Variants in CCDC38 observed in about 807,000 individuals in gnomAD.
CCDC38 encodes the protein coiled-coil domain-containing protein 38.
In CCDC38, 69 loss-of-function variants were observed where a neutral mutation model predicts 72.8. The observed-to-expected ratio is 0.95, with a 90% CI of 0.78 to 1.16. CCDC38 has a LOEUF of 1.16. Among genes scored for constraint, CCDC38 ranks in the 50% most tolerant of loss-of-function variants. The pLI is 0.00. For missense variants in CCDC38, 626 were observed against 638.9 expected, an observed-to-expected ratio of 0.98 and a Z score of 0.22; for synonymous variants, 201 against 213.2, an observed-to-expected ratio of 0.94 and a Z score of 0.50.
chr12:95,908,045 C>T (rs2080031827), intron 4 of CCDC38, among the ~76,000 whole-genome samples: 1 of 152,158 alleles, frequency 6.6e-6, no homozygotes. Flanking sequence ...GGGTGGCGGC[C>T]TTCCCAGATG....
chr12:95,878,227 A>G lies in CCDC38; in HGVS notation c.1262T>C (p.Phe421Ser), dbSNP rs2079656305. 6.2e-7 allele frequency: 1 copy of G among 1,613,408 alleles called. No individual in the cohort carries two copies. The highest frequency in any genetic ancestry group is 1.7e-5 in the Admixed American group (1 of 59,978). Residue 421 changes from phenylalanine (F) to serine (S), a missense_variant, in exon 13 of 16, where the codon TTT becomes TCT. Coordinates refer to ENST00000344280, the MANE Select transcript of CCDC38 (RefSeq NM_182496.3). ...LKSKLFSFGE[F>S]NSDAQEILID... ...GTGATTTACCTGAGCATCTGAATTA[A>G]ATTCTCCAAAGCTAAAGAGCTTGGA...
intron 9 of CCDC38, among the ~76,000 whole-genome samples, chr12:95,890,042 G>A (rs2079806882): frequency 6.6e-6 from 1 of 152,222 alleles, no homozygotes; most frequent in East Asian, 1.9e-4. Flanking sequence ...CTCCTCAGCA[G>A]CTGGGACTAT....
At chr12:95,903,233 G>C (rs532655986) in intron 5 of CCDC38, among the ~76,000 whole-genome samples, 2 of 152,132 alleles carry the variant, frequency 1.3e-5, no homozygotes, top group South Asian at 4.1e-4. Flanking sequence ...ATTGATTTCT[G>C]TAAATTGACC....
intron 14 of CCDC38, 35 bp from the exon 15 acceptor site, chr12:95,869,608 T>A (rs1565939509): frequency 6.8e-7 from 1 of 1,472,526 alleles, no homozygotes; most frequent in Non-Finnish European, 9.5e-7. Flanking sequence ...CTTGTAACTA[T>A]AAATCACATT....
At chr12:95,893,014 C>T (rs1448868929) in intron 8 of CCDC38, among the ~76,000 whole-genome samples, 1 of 152,146 alleles carries the variant, frequency 6.6e-6, no homozygotes. Flanking sequence ...CATTACCTTC[C>T]GAATTCAAAA....
intron 4 of CCDC38, among the ~76,000 whole-genome samples, chr12:95,912,489 T>TG (rs1267761037): frequency 2.0e-4 from 30 of 152,304 alleles, no homozygotes; most frequent in Admixed American, 1.9e-3. Context: ...AGGAAGAGGT[T>TG]GGTTAACAGA....
chr12:95,885,486 T>C (rs575116110), intron 10 of CCDC38: 42 of 179,916 alleles, frequency 2.3e-4, no homozygotes, highest in African/African-American at 9.7e-4. Flanking sequence ...ATGAGTTTTC[T>C]TATCCTGTCA....
At chr12:95,885,970 T>C (rs114123646) in intron 10 of CCDC38, among the ~76,000 whole-genome samples, 1,775 of 152,306 alleles carry the variant, frequency 0.012, 32 homozygotes, top group African/African-American at 0.041. Context: ...CTGTGATATT[T>C]ACACCTTTTA....
chr12:95,876,522 C>G (rs2079637306), intron 13 of CCDC38, among the ~76,000 whole-genome samples: 1 of 152,064 alleles, frequency 6.6e-6, no homozygotes, highest in Admixed American at 6.5e-5. Flanking sequence ...GAATGACACG[C>G]TTAAAATAGC....
At chr12:95,900,616 T>C (rs1233988816) in intron 5 of CCDC38, among the ~76,000 whole-genome samples, 1 of 152,190 alleles carries the variant, frequency 6.6e-6, no homozygotes, top group African/African-American at 2.4e-5. Context: ...TTTCTGCATA[T>C]AGTTAGTCTG....
chr12:95,867,860 A>C (rs1270943796), intron 15 of CCDC38, among the ~76,000 whole-genome samples: 4 of 152,170 alleles, frequency 2.6e-5, no homozygotes, highest in Non-Finnish European at 4.4e-5. Context: ...AAACTACCAT[A>C]ATTCTATGAG....
In CCDC38 at chr12:95,908,062, C is replaced by T. The variant is rs188625722; in HGVS notation, c.305-1611G>A. Among the ~76,000 whole-genome samples the T allele has an allele frequency of 1.3e-4, 20 of 152,260 alleles. No homozygotes were observed. In the East Asian group the frequency reaches 3.3e-3, roughly 25 times the overall value. ...GTGGCGGCCTTCCCAGATGGGGTGG[C>T]GGCTGGGCAGAGGCTGCAATCTCGG... On this transcript the variant is annotated intron_variant, in intron 4 of 15. Transcript: ENST00000344280.
At chr12:95,921,437 T>G (rs1443704149) in intron 2 of CCDC38, among the ~76,000 whole-genome samples, 1 of 152,098 alleles carries the variant, frequency 6.6e-6, no homozygotes, top group Non-Finnish European at 1.5e-5. Flanking sequence ...CTCGGGAAAC[T>G]TACAATCATG....
intron 7 of CCDC38, among the ~76,000 whole-genome samples, chr12:95,896,359 A>G (rs1233688926): frequency 1.3e-5 from 2 of 152,210 alleles, no homozygotes; most frequent in African/African-American, 4.8e-5. Context: ...ATTACATTAC[A>G]AAGTGGACAA....
At chr12:95,936,158 A>G (rs1414542264) in intron 2 of CCDC38, among the ~76,000 whole-genome samples, 1 of 152,152 alleles carries the variant, frequency 6.6e-6, no homozygotes, top group Non-Finnish European at 1.5e-5. Flanking sequence ...AAGGGTGGGA[A>G]AGGAAAGAAG....
At chr12:95,903,770 T>C (rs1480253793) in intron 5 of CCDC38, 4 of 268,380 alleles carry the variant, frequency 1.5e-5, no homozygotes, top group African/African-American at 2.2e-5. Flanking sequence ...TTTTTAGTAT[T>C]ATTGGATTTG....
At chr12:95,919,436 T>C (rs768424749) in intron 2 of CCDC38, 1 of 434,940 alleles carries the variant, frequency 2.3e-6, no homozygotes, top group Non-Finnish European at 4.6e-6. Context: ...TAATTTTGTC[T>C]ACCTATTAAG....
chr12:95,896,959 A>G (rs1382517454), intron 7 of CCDC38, among the ~76,000 whole-genome samples: 4 of 152,252 alleles, frequency 2.6e-5, no homozygotes, highest in African/African-American at 7.2e-5. Context: ...GAAATAATCT[A>G]TAAATGGATA....
intron 4 of CCDC38, among the ~76,000 whole-genome samples, chr12:95,910,841 G>A (rs1244310562): frequency 6.6e-6 from 1 of 151,988 alleles, no homozygotes; most frequent in Non-Finnish European, 1.5e-5. Flanking sequence ...TTCAGCCTGG[G>A]GGACAGAGTA....
Sources: allele counts gnomAD v4.1 joint callset (sites outside exome capture counted in the v4.1 genomes callset), GRCh38; gene constraint gnomAD v4.1.1; transcripts MANE v1.5; gene names NCBI Gene and HGNC (gene_info 2026-07-23, HGNC 2026-07-21).